Variants in SLC17A1 observed in about 807,000 individuals in gnomAD.
SLC17A1 encodes solute carrier family 17 member 1.
SLC17A1 carries 51 observed loss-of-function variants against 53.5 expected under a neutral mutation model. The ratio of observed to expected loss-of-function variants is 0.95; its 90% CI spans 0.76 to 1.20. SLC17A1 has a LOEUF of 1.20. Ranked by LOEUF, SLC17A1 falls within the 50% of genes most tolerant of loss-of-function variation. SLC17A1 has a pLI of 0.00. For synonymous variants in SLC17A1, 179 were observed against 198.8 expected, an observed-to-expected ratio of 0.90 and a Z score of 0.84; for missense variants, 538 against 568.2, an observed-to-expected ratio of 0.95 and a Z score of 0.54.
chr6:25,750,863 A>G, the SLC17A1 span, among the ~76,000 whole-genome samples: 5 of 152,174 alleles, frequency 3.3e-5, no homozygotes, highest in African/African-American at 7.2e-5. Context: ...GTCTGCAAGG[A>G]CTATTCAAAT....
the SLC17A1 span, among the ~76,000 whole-genome samples, chr6:25,725,061 C>T: frequency 6.9e-5 from 10 of 144,198 alleles, no homozygotes; most frequent in African/African-American, 2.6e-4. Flanking sequence ...GAATATCGTA[C>T]AATAATTTTT....
At chr6:25,785,794 A>G (rs1436690179) in intron 12 of SLC17A1, among the ~76,000 whole-genome samples, 1 of 152,178 alleles carries the variant, frequency 6.6e-6, no homozygotes, top group Non-Finnish European at 1.5e-5. Flanking sequence ...CTTCACATTC[A>G]CTGAGATGGC....
rs568300269 is a variant in SLC17A1, at chr6:25,831,179, G to A, written c.-50-572C>T. ...ATCTTCAGTTTCCGTGGATAGAGCA[G>A]CCACTGATGCAAAGCTTTATGGCAG... On this transcript the variant is annotated intron_variant, in intron 1 of 12. Transcript: ENST00000244527. 3.3e-5 allele frequency among the ~76,000 whole-genome samples: 5 copies of A among 152,288 alleles called. No individual in the cohort carries two copies. The South Asian group carries it at 8.3e-4, about 25-fold the overall frequency.
chr6:25,803,198 A>C (rs997716941), intron 10 of SLC17A1, among the ~76,000 whole-genome samples: 1 of 151,842 alleles, frequency 6.6e-6, no homozygotes, highest in Non-Finnish European at 1.5e-5. Flanking sequence ...CAACCTCCCA[A>C]AGTGCTGGGA....
chr6:25,744,150 A>C, the SLC17A1 span, among the ~76,000 whole-genome samples: 1 of 152,222 alleles, frequency 6.6e-6, no homozygotes, highest in Admixed American at 6.5e-5. Flanking sequence ...ACTGGATGGC[A>C]GCTTAAGGTC....
chr6:25,738,495 T>A, the SLC17A1 span, among the ~76,000 whole-genome samples: 1 of 151,984 alleles, frequency 6.6e-6, no homozygotes, highest in South Asian at 2.1e-4. Flanking sequence ...TGAGTCTAGA[T>A]GTATGCAAAA....
At chr6:25,772,615 T>C in the SLC17A1 span, among the ~76,000 whole-genome samples, 1 of 152,208 alleles carries the variant, frequency 6.6e-6, no homozygotes, top group Non-Finnish European at 1.5e-5. Flanking sequence ...TGAGGATTCA[T>C]TTCATTTCAT....
chr6:25,768,835 AC>A, the SLC17A1 span: 2 of 729,504 alleles, frequency 2.7e-6, no homozygotes, highest in Non-Finnish European at 4.5e-6. Context: ...TCCCAGGGGA[AC>A]AAAATTCCAC....
the SLC17A1 span, among the ~76,000 whole-genome samples, chr6:25,774,051 C>A: frequency 6.6e-6 from 1 of 152,094 alleles, no homozygotes; most frequent in Non-Finnish European, 1.5e-5. Context: ...ATTAACCAAA[C>A]AAATTCTGCC....
In SLC17A1 at chr6:25,819,790, A is replaced by C. The variant is rs971509719; in HGVS notation, c.333T>G (p.Ile111Met). Residue 111 changes from isoleucine to methionine, a missense_variant, in exon 4 of 13, where the codon ATT becomes ATG. Ile to Met is a conservative substitution (Grantham distance 10). Coordinates refer to ENST00000244527, the MANE Select transcript of SLC17A1 (RefSeq NM_005074.5). ...FSGIYSTKKM[I>M]GFALCLSSVL... Reference sequence around the variant, plus strand: ...CAGAGCTGAGGCATAATGCAAAGCCAATCATTTTCTTTGTAGAATATATTC... The same window carrying C: ...CAGAGCTGAGGCATAATGCAAAGCCCATCATTTTCTTTGTAGAATATATTC... The C allele has an allele frequency of 6.2e-7, 1 of 1,614,214 alleles. No homozygotes were observed. Among genetic ancestry groups the C allele is most frequent in the Non-Finnish European group, 8.5e-7 (1 of 1,180,010 alleles).
the SLC17A1 span, chr6:25,776,524 T>A: frequency 6.6e-7 from 1 of 1,507,508 alleles, no homozygotes; most frequent in Non-Finnish European, 8.9e-7. Flanking sequence ...GTGGACAGTC[T>A]GTCCAAGGTT....
the SLC17A1 span, among the ~76,000 whole-genome samples, chr6:25,734,688 C>T: frequency 2.0e-5 from 3 of 152,174 alleles, no homozygotes; most frequent in Non-Finnish European, 4.4e-5. Context: ...GAGTAAAATG[C>T]AAACCTGTTT....
the SLC17A1 span, chr6:25,776,801 T>G: frequency 6.2e-7 from 1 of 1,613,984 alleles, no homozygotes; most frequent in Non-Finnish European, 8.5e-7. Context: ...GTGTTTGTCC[T>G]CCTACCCCAG....
chr6:25,819,600 T>C lies in SLC17A1; in HGVS notation c.442-2A>G, dbSNP rs775066522. 1 of 1,613,814 alleles carries C rather than the reference T, an allele frequency of 6.2e-7. No individual in the cohort carries two copies. The highest frequency in any genetic ancestry group is 8.5e-7 in the Non-Finnish European group (1 of 1,179,806). On this transcript the variant is annotated splice_acceptor_variant, in intron 4 of 12. Coordinates refer to ENST00000244527, the MANE Select transcript of SLC17A1 (RefSeq NM_005074.5). LOFTEE classifies it high-confidence loss of function. ...AAACTGGGCTGTTGCAACTATCCCCTGAAATGAGAAAGGTTTGACATTTAA... is the reference window on the plus strand; with the variant it reads ...AAACTGGGCTGTTGCAACTATCCCCCGAAATGAGAAAGGTTTGACATTTAA...
At chr6:25,738,120 A>G in the SLC17A1 span, among the ~76,000 whole-genome samples, 10 of 152,358 alleles carry the variant, frequency 6.6e-5, no homozygotes, top group African/African-American at 1.4e-4. Context: ...GAACTAGAAC[A>G]TCTAAAACTA....
chr6:25,779,067 G>A, downstream of SLC17A1: 1 of 1,613,740 alleles, frequency 6.2e-7, no homozygotes, highest in Non-Finnish European at 8.5e-7. Flanking sequence ...TCAGAGTTTG[G>A]TTGGAGAAAT....
intron 12 of SLC17A1, among the ~76,000 whole-genome samples, chr6:25,792,437 A>G (rs927057647): frequency 4.0e-5 from 6 of 151,662 alleles, no homozygotes; most frequent in Non-Finnish European, 8.8e-5. Flanking sequence ...AGACCAGTCT[A>G]CAAGTCTTCC....
chr6:25,794,831 G>A (rs932285508), intron 12 of SLC17A1, among the ~76,000 whole-genome samples: 2 of 152,184 alleles, frequency 1.3e-5, no homozygotes, highest in Non-Finnish European at 2.9e-5. Flanking sequence ...CAGGCATATT[G>A]GCAATGGCTT....
At chr6:25,738,501 C>G in the SLC17A1 span, among the ~76,000 whole-genome samples, 5 of 147,750 alleles carry the variant, frequency 3.4e-5, no homozygotes, top group East Asian at 6.4e-4. Flanking sequence ...TAGATGTATG[C>G]AAAAAGTTTT....
Sources: allele counts gnomAD v4.1 joint callset (sites outside exome capture counted in the v4.1 genomes callset), GRCh38; gene constraint gnomAD v4.1.1; transcripts MANE v1.5; gene names NCBI Gene and HGNC (gene_info 2026-07-23, HGNC 2026-07-21).